KIF6: variants seen among roughly 807,000 people sequenced by gnomAD.
KIF6 encodes kinesin family member 6, also known as kinesin-like protein KIF6.
A neutral mutation model predicts 112.7 loss-of-function variants in KIF6; 106 were observed. The ratio of observed to expected loss-of-function variants is 0.94; its 90% CI spans 0.80 to 1.11. The LOEUF (loss-of-function observed/expected upper bound fraction) is 1.11, where lower values mean the gene tolerates loss of function less well. KIF6 is among the 50% of genes least tolerant of loss of function. KIF6 has a pLI of 0.00. For synonymous variants in KIF6, 339 were observed against 339.9 expected (o/e 1.00, Z 0.03); for missense variants, 929 against 964.0 (o/e 0.96, Z 0.48).
intron 13 of KIF6, among the ~76,000 whole-genome samples, chr6:39,525,852 CT>C (rs1377245573): frequency 6.7e-6 from 1 of 148,272 alleles, no homozygotes; most frequent in East Asian, 2.0e-4. Context: ...TAAATAAAGC[CT>C]TTTTCCCCAA....
rs146752491 is a variant in KIF6 at position 39,605,711 on chromosome 6, A to G, written c.639+7478T>C. Among the ~76,000 whole-genome samples the G allele has an allele frequency of 3.0e-4, 46 of 152,294 alleles. No homozygotes were observed. The East Asian group carries it at 7.3e-3, about 24-fold the overall frequency. ...TAGGACAATGTCACTCAGAGTACAG[A>G]TGCCGAAGAAAGAACTCTAGAAGCA... On this transcript the variant is annotated intron_variant, in intron 6 of 22. Coordinates refer to ENST00000287152, the MANE Select transcript of KIF6 (RefSeq NM_145027.6).
chr6:39,541,544 T>C (rs1037661083), intron 12 of KIF6, among the ~76,000 whole-genome samples: 2 of 152,232 alleles, frequency 1.3e-5, no homozygotes, highest in African/African-American at 4.8e-5. Context: ...TGTTGGAGCT[T>C]GTGCTATAGA....
rs7774204 is a variant in KIF6 at position 39,334,725 on chromosome 6, T to C, written c.*1807A>G. On this transcript the variant is annotated 3_prime_UTR_variant, in exon 23 of 23. Transcript: ENST00000287152. Reference sequence around the variant, plus strand: ...TGCCAAGAATACTGCTGCTGCTACATAGGGGACTGGGGCAAATGCCATGCC... The same window carrying C: ...TGCCAAGAATACTGCTGCTGCTACACAGGGGACTGGGGCAAATGCCATGCC... 0.56 allele frequency: 85,709 copies of C among 152,330 alleles called. 26,176 individuals carry two copies. Among genetic ancestry groups the C allele is most frequent in the African/African-American group, 0.82 (33,998 of 41,500 alleles). 9.4% of individuals were successfully genotyped at this position (152,330 alleles called of 1,614,324 possible).
chr6:39,618,569 A>T lies in KIF6; in HGVS notation c.510-5251T>A, dbSNP rs1783652094. 2.0e-5 allele frequency among the ~76,000 whole-genome samples: 3 copies of T among 152,338 alleles called. No homozygotes were observed. The South Asian group carries it at 6.2e-4, about 32-fold the overall frequency. On this transcript the variant is annotated intron_variant, in intron 5 of 22. Transcript: ENST00000287152. ...CTCACAGAACAAACTTTTTGTGGCA[A>T]TAAGACACCAAATTATAAACAAGAC...
At chr6:39,515,571 C>T (rs548879310) in intron 13 of KIF6, among the ~76,000 whole-genome samples, 1 of 152,342 alleles carries the variant, frequency 6.6e-6, no homozygotes, top group Admixed American at 6.5e-5. Context: ...CTTTCATGCA[C>T]TATCCTAATA....
chr6:39,547,299 G>T (rs897630574), intron 10 of KIF6, among the ~76,000 whole-genome samples: 1 of 152,166 alleles, frequency 6.6e-6, no homozygotes. Flanking sequence ...ACAAGTGTGA[G>T]ACAATTTATA....
In KIF6 at chr6:39,540,075, A is replaced by G. The variant is rs1778701240; in HGVS notation, c.1573T>C (p.Ser525Pro). 6.2e-7 allele frequency: 1 copy of G among 1,614,036 alleles called. No individual in the cohort carries two copies. The highest frequency in any genetic ancestry group is 1.3e-5 in the African/African-American group (1 of 74,934). ...NPEEGQRMRLSSAPSQAQDFS... is the reference protein window; with the variant it reads ...NPEEGQRMRLPSAPSQAQDFS... ...TCCTGGGCCTGTGAGGGAGCTGAGG[A>G]TAGTCGCATTCTTTGACCTTCTTCT... Residue 525 changes from serine to proline, a missense_variant, in exon 13 of 23, where the codon TCC becomes CCC. Physicochemically the swap from Ser to Pro is moderately conservative, Grantham distance 74. Around this residue, in one of 2 missense-constraint regions of KIF6, gnomAD observed 688 missense variants for 662.7 expected, o/e 1.04. Coordinates refer to ENST00000287152, the MANE Select transcript of KIF6 (RefSeq NM_145027.6).
intron 13 of KIF6, among the ~76,000 whole-genome samples, chr6:39,468,247 G>C (rs540555525): frequency 6.6e-6 from 1 of 151,928 alleles, no homozygotes; most frequent in African/African-American, 2.4e-5. Flanking sequence ...GAGGACACCA[G>C]GATACAAGTA....
intron 13 of KIF6, among the ~76,000 whole-genome samples, chr6:39,484,298 C>T (rs1774986754): frequency 6.6e-6 from 1 of 152,170 alleles, no homozygotes; most frequent in Non-Finnish European, 1.5e-5. Flanking sequence ...TGGTGTGAGA[C>T]ACAAAGTAGA....
chr6:39,631,246 G>A (rs1236842408), intron 5 of KIF6, among the ~76,000 whole-genome samples: 2 of 151,426 alleles, frequency 1.3e-5, no homozygotes, highest in Admixed American at 1.3e-4. Flanking sequence ...CAAATTCTTT[G>A]GGATATTTTA....
chr6:39,547,660 T>C (rs1779136871), intron 10 of KIF6, among the ~76,000 whole-genome samples: 1 of 152,198 alleles, frequency 6.6e-6, no homozygotes, highest in Admixed American at 6.5e-5. Context: ...TATATTTATA[T>C]ATTCATTTAT....
At chr6:39,706,198 C>A (rs537725962) in intron 3 of KIF6, among the ~76,000 whole-genome samples, 35 of 152,060 alleles carry the variant, frequency 2.3e-4, no homozygotes, top group African/African-American at 7.7e-4. Context: ...GGTATTTTAT[C>A]AAAAATTATG....
intron 3 of KIF6, among the ~76,000 whole-genome samples, chr6:39,664,469 C>T (rs373872691): frequency 3.3e-5 from 5 of 152,174 alleles, no homozygotes; most frequent in African/African-American, 9.7e-5. Flanking sequence ...TAAATAAATT[C>T]GTGTCCTCCG....
At chr6:39,555,279 T>A (rs1451519987) in intron 10 of KIF6, among the ~76,000 whole-genome samples, 1 of 152,016 alleles carries the variant, frequency 6.6e-6, no homozygotes, top group Non-Finnish European at 1.5e-5. Context: ...GGACCCACAT[T>A]CCACCTCCCA....
rs148463512 is a variant in KIF6, at chr6:39,408,704, G to C, written c.1810+11244C>G. ...AAGGAGATACATCAAATTGTTGAAA[G>C]TGGCTACTCTCCTCTGGGGCAGGGG... On this transcript the variant is annotated intron_variant, in intron 15 of 22. Transcript: ENST00000287152. Among the ~76,000 whole-genome samples, 80 of 152,238 alleles carry C rather than the reference G, an allele frequency of 5.3e-4. 2 individuals carry two copies. In the East Asian group the frequency reaches 0.013, roughly 25 times the overall value.
At chr6:39,495,920 C>G (rs1328895974) in intron 13 of KIF6, among the ~76,000 whole-genome samples, 4 of 152,096 alleles carry the variant, frequency 2.6e-5, no homozygotes, top group Non-Finnish European at 5.9e-5. Flanking sequence ...AGGGGGATAC[C>G]TTCAGGGGCC....
chr6:39,614,999 T>G (rs2150723968), intron 5 of KIF6, among the ~76,000 whole-genome samples: 1 of 151,856 alleles, frequency 6.6e-6, no homozygotes, highest in East Asian at 1.9e-4. Context: ...AAATAAATAA[T>G]GAGATGGTAT....
At chr6:39,645,800 A>G (rs1014310432) in intron 3 of KIF6, among the ~76,000 whole-genome samples, 3 of 152,170 alleles carry the variant, frequency 2.0e-5, no homozygotes, top group Admixed American at 6.5e-5. Flanking sequence ...ATAAAAAATG[A>G]TGAGTTCATG....
At chr6:39,567,306 T>C (rs1336331781) in intron 10 of KIF6, among the ~76,000 whole-genome samples, 2 of 152,194 alleles carry the variant, frequency 1.3e-5, no homozygotes, top group Admixed American at 6.5e-5. Flanking sequence ...GAGTAACAGA[T>C]GCATGGAGAT....
Sources: allele counts gnomAD v4.1 joint callset (sites outside exome capture counted in the v4.1 genomes callset), GRCh38; gene constraint gnomAD v4.1.1; regional missense constraint gnomAD v4.1.1; transcripts MANE v1.5; gene names NCBI Gene and HGNC (gene_info 2026-07-23, HGNC 2026-07-21).